AMPD1: variants seen among roughly 807,000 people sequenced by gnomAD.
AMPD1 encodes the protein AMP deaminase 1.
A neutral mutation model predicts 82.9 loss-of-function variants in AMPD1; 74 were observed. The observed-to-expected ratio is 0.89, with a 90% CI of 0.74 to 1.08. The LOEUF is 1.08. Among genes scored for constraint, AMPD1 ranks in the 50% least tolerant of loss-of-function variants. The probability of loss-of-function intolerance (pLI) is 0.00; values close to 1 mark genes in which losing one functional copy is unlikely to be tolerated. For missense variants in AMPD1, 881 were observed against 924.5 expected (o/e 0.95, Z 0.61); for synonymous variants, 333 against 320.5 (o/e 1.04, Z -0.42).
At chr1:114,682,740 G>A (rs1450362792) in intron 5 of AMPD1, among the ~76,000 whole-genome samples, 9 of 152,210 alleles carry the variant, frequency 5.9e-5, no homozygotes, top group African/African-American at 1.4e-4. Context: ...CACCACGCCT[G>A]GCTAATTTTT....
chr1:114,680,036 C>G (rs989137514), intron 6 of AMPD1, among the ~76,000 whole-genome samples: 2 of 152,204 alleles, frequency 1.3e-5, no homozygotes, highest in Non-Finnish European at 2.9e-5. Flanking sequence ...TTACTTAAGT[C>G]ATCAAAGTCT....
chr1:114,679,805 A>G, intron 6 of AMPD1, 97 bp from the exon 7 acceptor site: 1 of 1,448,404 alleles, frequency 6.9e-7, no homozygotes, highest in Non-Finnish European at 9.7e-7. Context: ...CATTCATAGG[A>G]AATAATTGTT....
At chr1:114,694,924 T>C (rs1262013910) in intron 1 of AMPD1, among the ~76,000 whole-genome samples, 1 of 152,244 alleles carries the variant, frequency 6.6e-6, no homozygotes, top group Non-Finnish European at 1.5e-5. Flanking sequence ...TTTATTACTT[T>C]TATTTTTTCA....
chr1:114,691,686 G>C (rs1658520299), intron 2 of AMPD1, among the ~76,000 whole-genome samples: 1 of 152,176 alleles, frequency 6.6e-6, no homozygotes, highest in Non-Finnish European at 1.5e-5. Context: ...AGAACTTTGG[G>C]AGGCTGAGGT....
chr1:114,679,927 G>A (rs1457461389), intron 6 of AMPD1, among the ~76,000 whole-genome samples: 1 of 152,182 alleles, frequency 6.6e-6, no homozygotes, highest in Non-Finnish European at 1.5e-5. Context: ...AACTTGGAAA[G>A]GTATCTTAAA....
At chr1:114,675,841 G>T in intron 11 of AMPD1, 36 bp downstream of exon 11, 1 of 1,614,064 alleles carries the variant, frequency 6.2e-7, no homozygotes, top group Admixed American at 1.7e-5. Flanking sequence ...GCTGGTTCAT[G>T]AGCAGCAGTA....
intron 2 of AMPD1, among the ~76,000 whole-genome samples, chr1:114,690,556 A>G (rs1658483102): frequency 6.6e-6 from 1 of 152,194 alleles, no homozygotes; most frequent in Non-Finnish European, 1.5e-5. Context: ...ATGTTGGCCA[A>G]ACTTCATGCA....
chr1:114,695,449 C>A lies in AMPD1; in HGVS notation c.22+1G>T. On this transcript the variant is annotated splice_donor_variant, in intron 1 of 15. Transcript: ENST00000520113. LOFTEE classifies it high-confidence loss of function. ...GCTCTCCAAACACTTTGTACACCTA[C>A]CTGGGAGTTTGAACAGAGGCATTGT... The A allele has an allele frequency of 6.2e-7, 1 of 1,612,880 alleles. No individual in the cohort carries two copies. The highest frequency in any genetic ancestry group is 8.5e-7 in the Non-Finnish European group (1 of 1,179,852).
At chr1:114,686,548 A>G (rs1188831090) in intron 4 of AMPD1, among the ~76,000 whole-genome samples, 197 bp downstream of exon 4, 1 of 152,226 alleles carries the variant, frequency 6.6e-6, no homozygotes, top group African/African-American at 2.4e-5. Context: ...GATAGAGGAT[A>G]AATTATGTGG....
rs139829625 is a variant in AMPD1, at chr1:114,691,118, C to CT, written c.34+2317dup. Among the ~76,000 whole-genome samples, 698 of 152,306 alleles carry CT rather than the reference C, an allele frequency of 4.6e-3. 10 individuals are homozygous for CT. Among genetic ancestry groups the CT allele is most frequent in the African/African-American group, 0.016 (655 of 41,566 alleles). The stretch of plus-strand genomic sequence containing the variant: ...TGTAGACAGTTGAAAATTAGAAACT[C>CT]TACTCTTAAGAAGCAGCTTACATGA... On this transcript the variant is annotated intron_variant, in intron 2 of 15. Transcript: ENST00000520113.
At chr1:114,684,124 A>G in intron 5 of AMPD1, 75 bp downstream of exon 5, 1 of 1,448,128 alleles carries the variant, frequency 6.9e-7, no homozygotes, top group East Asian at 2.5e-5. Context: ...CTTATAATCT[A>G]GAGGCATATT....
At chr1:114,684,499 G>A in intron 4 of AMPD1, 135 bp from the exon 5 acceptor site, 1 of 901,392 alleles carries the variant, frequency 1.1e-6, no homozygotes, top group South Asian at 1.4e-5. Context: ...TCACCTGGCT[G>A]CTTCTTAATT....
chr1:114,678,240 G>T, intron 8 of AMPD1, 93 bp downstream of exon 8: 1 of 1,526,442 alleles, frequency 6.6e-7, no homozygotes, highest in Non-Finnish European at 9.1e-7. Context: ...AGCCAAGATG[G>T]TTAAGAGACC....
In AMPD1 at chr1:114,684,239, A is replaced by G. The variant is rs542684385; in HGVS notation, c.507T>C (p.Ile169=). The G allele has an allele frequency of 1.9e-6, 3 of 1,614,160 alleles. No individual in the cohort carries two copies. Among genetic ancestry groups the G allele is most frequent in the Non-Finnish European group, 1.7e-6 (2 of 1,180,030 alleles). ...PKTPSKYLRN[I]DGEAWVANES... is the part of the protein sequence containing the mutation. ...CATTTGCTACCCAAGCCTCACCATC[A>G]ATGTTCCGCAAGTATTTGGAAGGGG... Residue 169 remains isoleucine, a synonymous_variant, in exon 5 of 16, where the codon ATT becomes ATC. Coordinates refer to ENST00000520113, the MANE Select transcript of AMPD1 (RefSeq NM_000036.3).
In AMPD1 at chr1:114,677,454, A is replaced by G; in HGVS notation, c.1285T>C (p.Tyr429His). The G allele has an allele frequency of 1.9e-6, 3 of 1,613,168 alleles. No homozygotes were observed. The highest frequency in any genetic ancestry group is 2.5e-6 in the Non-Finnish European group (3 of 1,179,860). ...YQHAEPRLSI[Y>H]GRSPDEWSKL... Reference sequence around the variant, plus strand: ...CTCCACTCATCAGGACTGCGGCCATAGATGGACAGGCGGGGCTCAGCATGC... The same window carrying G: ...CTCCACTCATCAGGACTGCGGCCATGGATGGACAGGCGGGGCTCAGCATGC... The change falls in exon 10 of 16, where the codon TAT becomes CAT. Residue 429 changes from tyrosine (Y) to histidine (H), a missense_variant. This residue lies in a region of AMPD1 where 783 missense variants were observed against 786.4 expected (regional missense o/e 1.00). Coordinates refer to ENST00000520113, the MANE Select transcript of AMPD1 (RefSeq NM_000036.3).
intron 1 of AMPD1, among the ~76,000 whole-genome samples, chr1:114,694,519 T>A (rs747261672): frequency 2.6e-5 from 4 of 152,066 alleles, no homozygotes; most frequent in Non-Finnish European, 5.9e-5. Flanking sequence ...AGAGTGAATA[T>A]CTTTGGATAA....
chr1:114,693,212 T>TTATA (rs1044736828), intron 2 of AMPD1, among the ~76,000 whole-genome samples: 1 of 147,666 alleles, frequency 6.8e-6, no homozygotes, highest in South Asian at 2.1e-4. Context: ...TTATATATAA[T>TTATA]TATATATATA....
intron 7 of AMPD1, 86 bp from the exon 8 acceptor site, chr1:114,678,613 A>T: frequency 8.1e-7 from 1 of 1,238,826 alleles, no homozygotes; most frequent in Non-Finnish European, 1.2e-6. Flanking sequence ...TGCAAATCCC[A>T]CTGCGTTGGG....
At chr1:114,674,154 A>C in intron 13 of AMPD1, 72 bp from the exon 14 acceptor site, 822 of 1,390,316 alleles carry the variant, frequency 5.9e-4, no homozygotes, top group Non-Finnish European at 7.6e-4. Flanking sequence ...CTACAATCTC[A>C]TGGTCTGCCT....
Sources: allele counts gnomAD v4.1 joint callset (sites outside exome capture counted in the v4.1 genomes callset), GRCh38; gene constraint gnomAD v4.1.1; regional missense constraint gnomAD v4.1.1; transcripts MANE v1.5; gene names NCBI Gene and HGNC (gene_info 2026-07-23, HGNC 2026-07-21).